The following ESRRG variants were observed in gnomAD, a reference collection of about 807,000 sequenced individuals.
ESRRG encodes estrogen-related receptor gamma.
ESRRG carries 13 observed loss-of-function variants against 44.0 expected under a neutral mutation model. That is an observed-to-expected ratio of 0.30 (90% confidence interval 0.19 to 0.47). The LOEUF is 0.47. Ranked by LOEUF, ESRRG falls within the 20% of genes least tolerant of loss-of-function variation. The pLI, the probability that ESRRG is intolerant of heterozygous loss-of-function variation, is 1.00. For synonymous variants in ESRRG, 215 were observed against 214.6 expected (o/e 1.00, Z -0.02); for missense variants, 395 against 580.6 (o/e 0.68, Z 3.29).
chr1:216,688,208 T>C (rs1372822614), intron 1 of ESRRG, among the ~76,000 whole-genome samples: 3 of 152,180 alleles, frequency 2.0e-5, no homozygotes, highest in Non-Finnish European at 4.4e-5. Context: ...GACAAGGTGC[T>C]GTGTAAAAAT....
intron 3 of ESRRG, among the ~76,000 whole-genome samples, chr1:216,605,384 A>T (rs1459659682): frequency 6.9e-6 from 1 of 145,884 alleles, no homozygotes; most frequent in Non-Finnish European, 1.5e-5. Flanking sequence ...TCTATTAAAA[A>T]AAAACAAAGT....
At chr1:216,738,997 TG>T (rs1559469510) in intron 2 of ESRRG, among the ~76,000 whole-genome samples, 1 of 152,138 alleles carries the variant, frequency 6.6e-6, no homozygotes, top group African/African-American at 2.4e-5. Context: ...ATTACAGGTA[TG>T]TCCCACTGCA....
chr1:216,671,871 C>T (rs1474983603), intron 2 of ESRRG, among the ~76,000 whole-genome samples: 2 of 151,864 alleles, frequency 1.3e-5, no homozygotes, highest in Non-Finnish European at 2.9e-5. Context: ...ATAAAAACTT[C>T]AGGAGGCTAG....
intron 1 of ESRRG, among the ~76,000 whole-genome samples, chr1:217,053,866 T>C (rs2086588656): frequency 6.6e-6 from 1 of 152,070 alleles, no homozygotes; most frequent in East Asian, 1.9e-4. Context: ...TAAGGGCATT[T>C]GGAAACTCCA....
At chr1:216,821,530 T>C (rs1412581958) in intron 2 of ESRRG, among the ~76,000 whole-genome samples, 2 of 150,962 alleles carry the variant, frequency 1.3e-5, no homozygotes, top group African/African-American at 4.9e-5. Flanking sequence ...TATAAAAATG[T>C]ATAAATTAGC....
intron 1 of ESRRG, among the ~76,000 whole-genome samples, chr1:216,955,474 G>A (rs2067777985): frequency 6.6e-6 from 1 of 152,154 alleles, no homozygotes. Context: ...CCATATCTTG[G>A]CAATTGTGAA....
At chr1:216,595,459 A>G (rs1021927757) in intron 3 of ESRRG, among the ~76,000 whole-genome samples, 4 of 152,236 alleles carry the variant, frequency 2.6e-5, no homozygotes, top group African/African-American at 9.6e-5. Context: ...ATTGAGAAAC[A>G]TGCACAAAAA....
chr1:216,531,674 C>A (rs367697922), intron 5 of ESRRG, among the ~76,000 whole-genome samples: 1 of 152,070 alleles, frequency 6.6e-6, no homozygotes, highest in African/African-American at 2.4e-5. Context: ...TATATATTTA[C>A]TATGGATATA....
In ESRRG at chr1:216,623,271, C is replaced by T. The variant is rs143162531; in HGVS notation, c.589+27702G>A. ...CTAATTTTTGTATTTTTAGTAGAGA[C>T]GGGGTTTCACCATGTTAGCCAGGAT... On this transcript the variant is annotated intron_variant, in intron 3 of 6. Coordinates refer to ENST00000408911, the MANE Select transcript of ESRRG (RefSeq NM_001438.4). Among the ~76,000 whole-genome samples, 151 of 151,722 alleles carry T rather than the reference C, an allele frequency of 1.0e-3. 1 individual carries two copies. The East Asian group carries it at 0.025, about 25-fold the overall frequency.
chr1:216,923,818 T>A (rs2062150638), intron 2 of ESRRG, among the ~76,000 whole-genome samples: 1 of 152,158 alleles, frequency 6.6e-6, no homozygotes, highest in African/African-American at 2.4e-5. Context: ...TAACACTGAA[T>A]TGGATTTTCG....
chr1:216,535,121 A>G (rs888410085), intron 5 of ESRRG, among the ~76,000 whole-genome samples: 31 of 152,152 alleles, frequency 2.0e-4, no homozygotes, highest in African/African-American at 7.5e-4. Context: ...GGTTGAAGTG[A>G]CATCAAGTCT....
intron 5 of ESRRG, among the ~76,000 whole-genome samples, chr1:216,556,455 C>T (rs1426222337): frequency 6.6e-6 from 1 of 152,124 alleles, no homozygotes; most frequent in East Asian, 1.9e-4. Flanking sequence ...ATCCTCAGCA[C>T]TCAGGAATTG....
At chr1:216,810,713 TG>T (rs1379589678) in intron 2 of ESRRG, among the ~76,000 whole-genome samples, 2 of 147,882 alleles carry the variant, frequency 1.4e-5, no homozygotes, top group Non-Finnish European at 3.0e-5. Context: ...TGTGTGTGTG[TG>T]TGTGTGTATG....
chr1:216,726,309 C>T (rs372914083), upstream of ESRRG, among the ~76,000 whole-genome samples: 4 of 151,764 alleles, frequency 2.6e-5, no homozygotes, highest in East Asian at 5.8e-4. Context: ...TGTCTTGAAT[C>T]CAGTTTAACC....
chr1:217,127,089 G>A (rs2092902238), intron 1 of ESRRG, among the ~76,000 whole-genome samples: 1 of 152,134 alleles, frequency 6.6e-6, no homozygotes, highest in South Asian at 2.1e-4. Flanking sequence ...ACGGTATATT[G>A]ATTTATATCC....
chr1:216,947,835 A>G (rs1407455458), intron 1 of ESRRG, among the ~76,000 whole-genome samples: 1 of 152,154 alleles, frequency 6.6e-6, no homozygotes, highest in Non-Finnish European at 1.5e-5. Flanking sequence ...TTAAGCTTAT[A>G]TAAGGTCATG....
intron 3 of ESRRG, among the ~76,000 whole-genome samples, chr1:216,637,429 A>G (rs549152642): frequency 6.6e-6 from 1 of 152,384 alleles, no homozygotes; most frequent in Non-Finnish European, 1.5e-5. Context: ...GAGCTCCAGC[A>G]CGAAGACCAT....
chr1:216,654,810 T>A (rs528267290), intron 2 of ESRRG, among the ~76,000 whole-genome samples: 47 of 151,926 alleles, frequency 3.1e-4, no homozygotes, highest in African/African-American at 1.1e-3. Context: ...GAAATAAAAA[T>A]CCATACTGAT....
Position 216,907,689 on chromosome 1 carries a change from A to G in ESRRG, c.-14+31893T>C, listed in dbSNP as rs112445207. Among the ~76,000 whole-genome samples the G allele has an allele frequency of 1.7e-3, 253 of 152,330 alleles. 4 individuals carry two copies. The highest frequency in any genetic ancestry group is 5.8e-3 in the African/African-American group (242 of 41,578). On this transcript the variant is annotated intron_variant, in intron 2 of 7. Transcript: ENST00000359162. The stretch of plus-strand genomic sequence containing the variant: ...GTGCAAAATAGAATATACCAGGCAT[A>G]TCTAAATTCTAGATGCATCTTTTTA...
Sources: gnomAD v4.1 joint callset for allele counts (sites outside exome capture counted in the v4.1 genomes callset) on GRCh38, gnomAD v4.1.1 for gene constraint, MANE v1.5 for transcripts, NCBI Gene and HGNC (gene_info 2026-07-23, HGNC 2026-07-21) for gene names.